The following MXI1 variants were observed in gnomAD, a reference collection of about 807,000 sequenced individuals.
MXI1 encodes MAX interactor 1, dimerization protein.
In MXI1, 18 loss-of-function variants were observed where a neutral mutation model predicts 36.9. The ratio of observed to expected loss-of-function variants is 0.49; its 90% CI spans 0.34 to 0.72. The LOEUF (loss-of-function observed/expected upper bound fraction) is 0.72. Among genes scored for constraint, MXI1 ranks in the 30% least tolerant of loss-of-function variants. MXI1 has a pLI of 0.01. For synonymous variants in MXI1, 160 were observed against 146.7 expected (o/e 1.09, Z -0.65); for missense variants, 304 against 379.1 (o/e 0.80, Z 1.64).
intron 1 of MXI1, among the ~76,000 whole-genome samples, chr10:110,218,544 A>C (rs1048289196): frequency 9.2e-5 from 14 of 151,492 alleles, no homozygotes; most frequent in African/African-American, 3.2e-4. Context: ...TTTTCTCCCC[A>C]CTCTTGCTAG....
intron 2 of MXI1, among the ~76,000 whole-genome samples, chr10:110,234,351 G>GCAC (rs1855381857): frequency 6.6e-6 from 1 of 152,106 alleles, no homozygotes; most frequent in Non-Finnish European, 1.5e-5. Flanking sequence ...CCCATTTTTA[G>GCAC]TGTGATTGTA....
Position 110,285,208 on chromosome 10 carries a change from A to G in MXI1, c.*221A>G, listed in dbSNP as rs1450181892. The G allele has an allele frequency of 2.6e-6, 1 of 381,256 alleles. No homozygotes were observed. The allele number at this position is 381,256 out of a possible 1,614,324, so 23.6% of individuals were successfully genotyped here. ...AGGAGAACAAATATTCAGAATATTC[A>G]TATTGGAAAAATCACAATTTTTAAT... On this transcript the variant is annotated 3_prime_UTR_variant, in exon 6 of 6. Transcript: ENST00000332674.
chr10:110,266,661 C>T (rs1856686796), intron 3 of MXI1, among the ~76,000 whole-genome samples: 1 of 152,158 alleles, frequency 6.6e-6, no homozygotes, highest in Non-Finnish European at 1.5e-5. Context: ...CAACTTTATT[C>T]TAGCAGGCCC....
At chr10:110,230,130 G>A (rs1855207148) in intron 2 of MXI1, among the ~76,000 whole-genome samples, 2 of 152,288 alleles carry the variant, frequency 1.3e-5, no homozygotes, top group South Asian at 4.1e-4. Flanking sequence ...CATCATTGCA[G>A]ATGTGACATT....
At chr10:110,277,877 C>T (rs1031202178) in intron 3 of MXI1, among the ~76,000 whole-genome samples, 5 of 152,208 alleles carry the variant, frequency 3.3e-5, no homozygotes, top group Non-Finnish European at 7.3e-5. Flanking sequence ...TCCTACCTCT[C>T]TTTTCAAATT....
intron 1 of MXI1, among the ~76,000 whole-genome samples, chr10:110,221,563 G>A (rs1370936967): frequency 6.6e-6 from 1 of 152,166 alleles, no homozygotes; most frequent in Non-Finnish European, 1.5e-5. Context: ...ATGCAAAAAA[G>A]AAGGAAAAGG....
intron 3 of MXI1, among the ~76,000 whole-genome samples, chr10:110,262,063 ATT>A (rs1246075751): frequency 6.6e-6 from 1 of 152,120 alleles, no homozygotes; most frequent in Non-Finnish European, 1.5e-5. Context: ...ATATGATCTC[ATT>A]TATGTTAAAA....
Position 110,279,976 on chromosome 10 carries a change from A to G in MXI1, c.615A>G (p.Arg205=), listed in dbSNP as rs750019570. Residue 205 remains arginine (R), a synonymous_variant, in exon 5 of 6, where the codon AGA becomes AGG. Coordinates refer to ENST00000332674, the MANE Select transcript of MXI1 (RefSeq NM_130439.3). ...TCGAGAATTTGGAACGAGAACAGAG[A>G]TTTTTAAAGTGGCGACTGGAACAGC... The part of the protein sequence containing the change: ...HQLENLEREQ[R]FLKWRLEQLQ... The G allele has an allele frequency of 1.3e-5, 21 of 1,613,308 alleles. No individual in the cohort carries two copies. Among genetic ancestry groups the G allele is most frequent in the Non-Finnish European group, 1.8e-5 (21 of 1,179,558 alleles).
At chr10:110,238,605 T>A (rs1221925780) in intron 2 of MXI1, among the ~76,000 whole-genome samples, 2 of 152,224 alleles carry the variant, frequency 1.3e-5, no homozygotes, top group Non-Finnish European at 2.9e-5. Context: ...CTCTTTATTT[T>A]TTCAAAGATT....
chr10:110,214,781 G>A (rs1027836996), intron 1 of MXI1, among the ~76,000 whole-genome samples: 3 of 151,070 alleles, frequency 2.0e-5, no homozygotes, highest in Non-Finnish European at 4.4e-5. Flanking sequence ...CCTAACCCCC[G>A]ACAGCTCTGG....
intron 2 of MXI1, among the ~76,000 whole-genome samples, chr10:110,234,052 C>T (rs1165663438): frequency 6.6e-6 from 1 of 152,164 alleles, no homozygotes; most frequent in Admixed American, 6.5e-5. Flanking sequence ...ATGATTAAAG[C>T]ACATGTGGCT....
intron 2 of MXI1, among the ~76,000 whole-genome samples, chr10:110,240,240 T>G (rs889633676): frequency 3.9e-5 from 6 of 152,128 alleles, no homozygotes; most frequent in African/African-American, 1.4e-4. Flanking sequence ...GTATGTCCTT[T>G]GGTGAACATG....
At chr10:110,214,767 C>T (rs1854589193) in intron 1 of MXI1, among the ~76,000 whole-genome samples, 1 of 151,642 alleles carries the variant, frequency 6.6e-6, no homozygotes, top group South Asian at 2.1e-4. Context: ...TCAGGCCTGA[C>T]ACACCTAACC....
At chr10:110,284,636 TATATCAGAC>T (rs1857378139) in intron 5 of MXI1, among the ~76,000 whole-genome samples, 179 bp from the exon 6 acceptor site, 1 of 152,140 alleles carries the variant, frequency 6.6e-6, no homozygotes, top group Admixed American at 6.5e-5. Flanking sequence ...ACCACCACTG[TATATCAGAC>T]ATTCCCCTTG....
intron 2 of MXI1, among the ~76,000 whole-genome samples, chr10:110,238,659 A>G (rs1270127597): frequency 5.9e-5 from 9 of 152,118 alleles, no homozygotes; most frequent in Non-Finnish European, 1.0e-4. Context: ...GCCTGGTAAA[A>G]TTTGCCAATG....
At chr10:110,237,471 T>C (rs1855513955) in intron 2 of MXI1, among the ~76,000 whole-genome samples, 1 of 152,220 alleles carries the variant, frequency 6.6e-6, no homozygotes, top group Non-Finnish European at 1.5e-5. Context: ...TTTATTCTGT[T>C]AATATGGAGG....
chr10:110,213,066 C>A (rs1048702980), intron 1 of MXI1, among the ~76,000 whole-genome samples: 2 of 152,188 alleles, frequency 1.3e-5, no homozygotes, highest in African/African-American at 2.4e-5. Flanking sequence ...CCAGGGGACA[C>A]GTGACAGCCT....
chr10:110,254,784 C>T (rs997179296), intron 3 of MXI1, among the ~76,000 whole-genome samples: 1 of 152,092 alleles, frequency 6.6e-6, no homozygotes, highest in Non-Finnish European at 1.5e-5. Flanking sequence ...CTATTTAATT[C>T]TGTGAAGGCT....
chr10:110,280,128 T>G (rs759523577), intron 5 of MXI1, 43 bp downstream of exon 5: 1 of 1,501,316 alleles, frequency 6.7e-7, no homozygotes, highest in South Asian at 1.3e-5. Context: ...TAAACATCTC[T>G]GTATCTGGAT....
Sources: gnomAD v4.1 joint callset for allele counts (sites outside exome capture counted in the v4.1 genomes callset) on GRCh38, gnomAD v4.1.1 for gene constraint, MANE v1.5 for transcripts, NCBI Gene and HGNC (gene_info 2026-07-23, HGNC 2026-07-21) for gene names.